SPMIP7: variants seen among roughly 807,000 people sequenced by gnomAD.
SPMIP7 encodes the protein protein SPMIP7.
the SPMIP7 span, among the ~76,000 whole-genome samples, chr7:50,125,389 T>TATATATACACACATATATATACAC: frequency 1.7e-5 from 2 of 120,258 alleles, no homozygotes; most frequent in African/African-American, 5.5e-5. Context: ...TATACACACA[T>TATATATACACACATATATATACAC]ATATATATAC....
the SPMIP7 span, among the ~76,000 whole-genome samples, chr7:50,117,769 T>TAAG: frequency 6.6e-6 from 1 of 152,210 alleles, no homozygotes; most frequent in Non-Finnish European, 1.5e-5. Context: ...TCACCTAATA[T>TAAG]AAGTCAGTTT....
At chr7:50,129,579 A>T in the SPMIP7 span, 1 of 633,416 alleles carries the variant, frequency 1.6e-6, no homozygotes, top group Non-Finnish European at 2.8e-6. Flanking sequence ...GGGAAGCATT[A>T]AATCTGGTCA....
At chr7:50,158,055 G>A in the SPMIP7 span, among the ~76,000 whole-genome samples, 10 of 152,232 alleles carry the variant, frequency 6.6e-5, no homozygotes, top group East Asian at 1.3e-3. Context: ...CTGTACACCC[G>A]GCCTTGTTCA....
At chr7:50,123,018 A>G in the SPMIP7 span, among the ~76,000 whole-genome samples, 1 of 140,958 alleles carries the variant, frequency 7.1e-6, no homozygotes, top group Non-Finnish European at 1.5e-5. Context: ...GCCATTCCTC[A>G]GGGATCTAGA....
the SPMIP7 span, among the ~76,000 whole-genome samples, chr7:50,133,300 A>G: frequency 9.2e-5 from 14 of 152,066 alleles, no homozygotes; most frequent in Non-Finnish European, 1.6e-4. Flanking sequence ...CCCTTCAACC[A>G]TGCCAAAAAA....
At chr7:50,106,516 C>G in the SPMIP7 span, among the ~76,000 whole-genome samples, 3 of 152,106 alleles carry the variant, frequency 2.0e-5, no homozygotes, top group Non-Finnish European at 4.4e-5. Context: ...GCTCTCATTT[C>G]CAGAAATCAG....
the SPMIP7 span, among the ~76,000 whole-genome samples, chr7:50,131,167 G>T: frequency 6.6e-6 from 1 of 152,248 alleles, no homozygotes; most frequent in African/African-American, 2.4e-5. Context: ...ATGGTAGCTT[G>T]GGGGAGAGTG....
chr7:50,146,859 T>C, the SPMIP7 span, among the ~76,000 whole-genome samples: 2 of 152,224 alleles, frequency 1.3e-5, no homozygotes, highest in African/African-American at 4.8e-5. Flanking sequence ...GGTCTGCACC[T>C]GCTGCATGCT....
At chr7:50,137,177 T>C in the SPMIP7 span, among the ~76,000 whole-genome samples, 1 of 152,136 alleles carries the variant, frequency 6.6e-6, no homozygotes, top group Non-Finnish European at 1.5e-5. Context: ...TTTGTTCATA[T>C]GAAAAATTAC....
At chr7:50,151,212 A>C in the SPMIP7 span, among the ~76,000 whole-genome samples, 2 of 152,170 alleles carry the variant, frequency 1.3e-5, no homozygotes, top group Non-Finnish European at 2.9e-5. Context: ...CATGAACTTG[A>C]AATAAATTTT....
At chr7:50,154,077 T>C in the SPMIP7 span, among the ~76,000 whole-genome samples, 22 of 152,300 alleles carry the variant, frequency 1.4e-4, no homozygotes, top group African/African-American at 5.1e-4. Context: ...CACATTTTTT[T>C]CCCAGTCTCA....
At chr7:50,136,466 G>A in the SPMIP7 span, among the ~76,000 whole-genome samples, 1 of 44,794 alleles carries the variant, frequency 2.2e-5, no homozygotes, top group East Asian at 1.4e-3. Context: ...AGGAGGCAGA[G>A]ATGCAGTGAG....
chr7:50,120,281 G>A, the SPMIP7 span: 1 of 152,138 alleles, frequency 6.6e-6, no homozygotes, highest in Admixed American at 6.5e-5. Flanking sequence ...GCTCACTCTT[G>A]TTGGTAGATG....
chr7:50,151,652 A>G, the SPMIP7 span: 1 of 821,738 alleles, frequency 1.2e-6, no homozygotes, highest in Middle Eastern at 2.3e-4. Context: ...AAATAGTAAA[A>G]GCAAATTTAC....
At chr7:50,098,880 T>C in the SPMIP7 span, among the ~76,000 whole-genome samples, 1 of 152,150 alleles carries the variant, frequency 6.6e-6, no homozygotes, top group East Asian at 1.9e-4. Flanking sequence ...TTATAGTTAA[T>C]TAACATTAAG....
chr7:50,140,277 C>A, the SPMIP7 span: 1 of 654,302 alleles, frequency 1.5e-6, no homozygotes, highest in Non-Finnish European at 2.5e-6. Context: ...CTTTTTAAGA[C>A]AACTTATATA....
the SPMIP7 span, among the ~76,000 whole-genome samples, chr7:50,149,908 G>T: frequency 6.6e-6 from 1 of 152,020 alleles, no homozygotes; most frequent in Non-Finnish European, 1.5e-5. Context: ...AAGTCCTTCC[G>T]GTTGGTATCA....
chr7:50,135,080 T>C, the SPMIP7 span, among the ~76,000 whole-genome samples: 1 of 152,210 alleles, frequency 6.6e-6, no homozygotes. Context: ...CCCATGCTCG[T>C]TTCCAGGTTG....
At chr7:50,142,119 A>G in the SPMIP7 span, 1 of 152,166 alleles carries the variant, frequency 6.6e-6, no homozygotes, top group Non-Finnish European at 1.5e-5. Context: ...TCTTCCATAC[A>G]TTCTGCAAGG....
Sources: allele counts gnomAD v4.1 joint callset (sites outside exome capture counted in the v4.1 genomes callset), GRCh38; gene constraint gnomAD v4.1.1; transcripts MANE v1.5; gene names NCBI Gene and HGNC (gene_info 2026-07-23, HGNC 2026-07-21).